DZANK1: variants seen among roughly 807,000 people sequenced by gnomAD.
DZANK1 encodes the protein double zinc ribbon and ankyrin repeat domains 1.
Under a neutral mutation model 94.5 loss-of-function variants are expected in DZANK1, and 91 were observed. The ratio of observed to expected loss-of-function variants is 0.96; its 90% CI spans 0.81 to 1.15. The LOEUF is 1.15. DZANK1 is among the 50% of genes most tolerant of loss of function. The probability of loss-of-function intolerance (pLI) is 0.00; values close to 1 mark genes in which losing one functional copy is unlikely to be tolerated. For synonymous variants in DZANK1, 312 were observed against 325.3 expected, an observed-to-expected ratio of 0.96 and a Z score of 0.44; for missense variants, 903 against 916.4, an observed-to-expected ratio of 0.99 and a Z score of 0.19.
intron 10 of DZANK1, among the ~76,000 whole-genome samples, chr20:18,417,771 C>A (rs953562250): frequency 6.6e-6 from 1 of 152,036 alleles, no homozygotes; most frequent in Non-Finnish European, 1.5e-5. Context: ...ATGACTCCCA[C>A]ACAAAAAACA....
chr20:18,384,064 C>T (rs942538055), exon 21 of DZANK1: 4 of 168,274 alleles, frequency 2.4e-5, no homozygotes, highest in South Asian at 2.9e-4. Flanking sequence ...TGCACATATT[C>T]TTTTTTTTTT....
chr20:18,454,900 A>G (rs1431313807), intron 4 of DZANK1, among the ~76,000 whole-genome samples: 4 of 152,240 alleles, frequency 2.6e-5, no homozygotes, highest in African/African-American at 7.2e-5. Context: ...TGGTTGGAGT[A>G]TATGTAGGGG....
At chr20:18,414,315 G>C in intron 12 of DZANK1, 33 bp downstream of exon 12, 1 of 1,609,530 alleles carries the variant, frequency 6.2e-7, no homozygotes, top group Non-Finnish European at 8.5e-7. Flanking sequence ...GCCTCTTCCT[G>C]GGTACCAGTT....
At chr20:18,392,303 C>T (rs1038782749) in intron 17 of DZANK1, among the ~76,000 whole-genome samples, 1 of 152,176 alleles carries the variant, frequency 6.6e-6, no homozygotes, top group South Asian at 2.1e-4. Context: ...AAAGTTGAAA[C>T]AATTCTAACA....
At chr20:18,409,841 G>A (rs549830808) in intron 13 of DZANK1, among the ~76,000 whole-genome samples, 13 of 152,042 alleles carry the variant, frequency 8.6e-5, no homozygotes, top group Non-Finnish European at 1.6e-4. Flanking sequence ...AGGCCAAGGC[G>A]GGTGGATCAC....
intron 19 of DZANK1, among the ~76,000 whole-genome samples, chr20:18,387,761 T>C (rs1261661568): frequency 6.6e-6 from 1 of 152,180 alleles, no homozygotes; most frequent in East Asian, 1.9e-4. Context: ...GATACAAACA[T>C]GGAACTAGGA....
chr20:18,432,436 T>C (rs1456654527), intron 9 of DZANK1: 1 of 152,224 alleles, frequency 6.6e-6, no homozygotes, highest in Non-Finnish European at 1.5e-5. Flanking sequence ...AGTGGCTTTT[T>C]AAGCATCTTA....
intron 10 of DZANK1, among the ~76,000 whole-genome samples, chr20:18,418,795 G>C (rs2057623789): frequency 6.6e-6 from 1 of 151,892 alleles, no homozygotes; most frequent in African/African-American, 2.4e-5. Context: ...CAAAGAAATA[G>C]AAACAATAAA....
At chr20:18,457,722 A>C (rs768341924) in intron 3 of DZANK1, among the ~76,000 whole-genome samples, 11 of 152,166 alleles carry the variant, frequency 7.2e-5, no homozygotes, top group African/African-American at 1.4e-4. Context: ...TTAAAGGTAC[A>C]ATCTTAAAGT....
intron 2 of DZANK1, 44 bp downstream of exon 2, chr20:18,465,206 T>C (rs767222186): frequency 7.0e-6 from 9 of 1,279,906 alleles, no homozygotes; most frequent in South Asian, 1.3e-5. Context: ...ACAAGAAATA[T>C]GACAATGTTA....
chr20:18,433,322 AC>A, intron 9 of DZANK1: 2 of 279,730 alleles, frequency 7.1e-6, no homozygotes, highest in Non-Finnish European at 1.4e-5. Flanking sequence ...TGGGCGCATC[AC>A]CTGAGGTCAG....
intron 14 of DZANK1, among the ~76,000 whole-genome samples, chr20:18,398,192 T>C (rs915131720): frequency 2.8e-4 from 43 of 152,116 alleles, no homozygotes; most frequent in African/African-American, 1.0e-3. Context: ...ATATTAACAG[T>C]GTATGATTTA....
At chr20:18,393,181 G>T (rs1258716012) in intron 17 of DZANK1, among the ~76,000 whole-genome samples, 1 of 152,104 alleles carries the variant, frequency 6.6e-6, no homozygotes, top group Admixed American at 6.5e-5. Context: ...TTCATCCCAA[G>T]CTGAAACCCG....
intron 13 of DZANK1, among the ~76,000 whole-genome samples, chr20:18,408,321 A>C (rs2057061459): frequency 6.6e-6 from 1 of 152,168 alleles, no homozygotes; most frequent in Admixed American, 6.6e-5. Flanking sequence ...GTCTCAAAAA[A>C]ACAAACAAAC....
At chr20:18,418,895 T>C (rs2057627634) in intron 10 of DZANK1, among the ~76,000 whole-genome samples, 1 of 151,952 alleles carries the variant, frequency 6.6e-6, no homozygotes, top group Admixed American at 6.6e-5. Context: ...AAGGAGATGG[T>C]AAAGGAAAGT....
chr20:18,440,284 T>C (rs2058678692), intron 8 of DZANK1, among the ~76,000 whole-genome samples: 1 of 152,182 alleles, frequency 6.6e-6, no homozygotes, highest in Non-Finnish European at 1.5e-5. Context: ...CCCAATCTCA[T>C]TAAACACAGG....
At chr20:18,465,452 A>C in intron 1 of DZANK1, 75 bp from the exon 2 acceptor site, 1 of 459,088 alleles carries the variant, frequency 2.2e-6, no homozygotes, top group Non-Finnish European at 3.7e-6. Context: ...ATGCAGCAAA[A>C]CTAGTTAAAA....
At chr20:18,449,211 A>G in intron 6 of DZANK1, 142 bp from the exon 7 acceptor site, 1 of 684,008 alleles carries the variant, frequency 1.5e-6, no homozygotes, top group East Asian at 2.8e-5. Flanking sequence ...GACACTATAG[A>G]CTCTAAAAGT....
chr20:18,387,859 T>C (rs576783874), intron 19 of DZANK1, among the ~76,000 whole-genome samples: 3 of 152,320 alleles, frequency 2.0e-5, no homozygotes, highest in Admixed American at 1.3e-4. Context: ...TAGCCAAACA[T>C]GCTCAGATGG....
Sources: gnomAD v4.1 joint callset for allele counts (sites outside exome capture counted in the v4.1 genomes callset) on GRCh38, gnomAD v4.1.1 for gene constraint, MANE v1.5 for transcripts, NCBI Gene and HGNC (gene_info 2026-07-23, HGNC 2026-07-21) for gene names.